The following ARMH4 variants were observed in gnomAD, a reference collection of about 807,000 sequenced individuals.
ARMH4 encodes the protein armadillo like helical domain containing 4, also known as armadillo-like helical domain-containing protein 4.
In ARMH4, 49 loss-of-function variants were observed where a neutral mutation model predicts 61.9. The ratio of observed to expected loss-of-function variants is 0.79; its 90% CI spans 0.63 to 1.00. ARMH4 has a LOEUF of 1.00. ARMH4 is among the 50% of genes least tolerant of loss of function. The pLI is 0.00. For missense variants in ARMH4, 934 were observed against 930.0 expected, an observed-to-expected ratio of 1.00 and a Z score of -0.06; for synonymous variants, 368 against 341.5, an observed-to-expected ratio of 1.08 and a Z score of -0.85.
rs1043937036 is a variant in ARMH4 at position 58,011,617 on chromosome 14, A to C, written c.2121+502T>G. ...AATGAACAATATCAACCTGGAAGTT[A>C]ACGTTGTCAATCACTATGTAGATGG... On this transcript the variant is annotated intron_variant, in intron 6 of 7. Transcript: ENST00000267485. Among the ~76,000 whole-genome samples the C allele has an allele frequency of 2.6e-5, 4 of 152,294 alleles. 1 individual carries two copies. The highest frequency in any genetic ancestry group is 6.8e-3 in the Middle Eastern group (2 of 294).
chr14:58,017,552 T>C (rs1023602440), intron 5 of ARMH4, among the ~76,000 whole-genome samples: 1 of 151,636 alleles, frequency 6.6e-6, no homozygotes. Context: ...ACAAAAAAAA[T>C]ACTCAGGCAT....
intron 1 of ARMH4, among the ~76,000 whole-genome samples, chr14:58,145,795 G>A (rs1174653358): frequency 6.6e-6 from 1 of 152,148 alleles, no homozygotes; most frequent in African/African-American, 2.4e-5. Flanking sequence ...TGTGTATTGA[G>A]GCCATATGTT....
chr14:58,085,879 A>G (rs1419784481), intron 5 of ARMH4, among the ~76,000 whole-genome samples: 2 of 152,222 alleles, frequency 1.3e-5, no homozygotes, highest in Non-Finnish European at 2.9e-5. Flanking sequence ...AGAAACAAAA[A>G]GAAAATATTT....
In ARMH4 at chr14:58,075,813, C is replaced by T. The variant is rs374027749; in HGVS notation, c.2089+20911G>A. Among the ~76,000 whole-genome samples the T allele has an allele frequency of 4.6e-5, 7 of 152,210 alleles. No homozygotes were observed. The East Asian group carries it at 9.7e-4, about 21-fold the overall frequency. ...GCATCTTCACAATCAAATAAACATGCGTTCAAATCTTGGCTCTGCCATTTA... is the reference window on the plus strand; with the variant it reads ...GCATCTTCACAATCAAATAAACATGTGTTCAAATCTTGGCTCTGCCATTTA... On this transcript the variant is annotated intron_variant, in intron 5 of 7. Transcript: ENST00000267485.
intron 4 of ARMH4, among the ~76,000 whole-genome samples, chr14:58,097,547 A>G (rs1885795446): frequency 6.6e-6 from 1 of 152,230 alleles, no homozygotes; most frequent in Admixed American, 6.5e-5. Context: ...AAATAATTGC[A>G]TCAACATTCT....
rs149864826 is a variant in ARMH4 at position 58,131,598 on chromosome 14, G to A, written c.1745C>T (p.Ala582Val). Residue 582 changes from alanine (A) to valine (V), a missense_variant, in exon 4 of 8, where the codon GCA becomes GTA. By Grantham distance (64) the Ala-to-Val change is moderately conservative. Transcript: ENST00000267485. Reference protein sequence around the residue: ...SISPALPALEASSERRTVVPS... With the variant: ...SISPALPALEVSSERRTVVPS... ...AACAACAGTTCTTCTCTCAGAGGAT[G>A]CCTCCAAAGCAGGAAGTGCAGGGGA... 3 of 1,614,058 alleles carry A rather than the reference G, an allele frequency of 1.9e-6. No homozygotes were observed. The highest frequency in any genetic ancestry group is 1.3e-5 in the African/African-American group (1 of 74,938).
intron 5 of ARMH4, among the ~76,000 whole-genome samples, chr14:58,012,588 C>A (rs1021382040): frequency 6.6e-6 from 1 of 152,174 alleles, no homozygotes; most frequent in Non-Finnish European, 1.5e-5. Context: ...GGAAAATAAG[C>A]AAGCCCAGGT....
In ARMH4 at chr14:58,121,035, C is replaced by T. The variant is rs1050458052; in HGVS notation, c.1831+10477G>A. 9.2e-5 allele frequency among the ~76,000 whole-genome samples: 14 copies of T among 152,118 alleles called. 1 individual carries two copies. Among genetic ancestry groups the T allele is most frequent in the African/African-American group, 2.9e-4 (12 of 41,420 alleles). Reference sequence around the variant, plus strand: ...GATTTGTAGGGCATGGCTCTCCAGACCCCTTAGATAGGAATTTGGTCAAGA... The same window carrying T: ...GATTTGTAGGGCATGGCTCTCCAGATCCCTTAGATAGGAATTTGGTCAAGA... On this transcript the variant is annotated intron_variant, in intron 4 of 7. Transcript: ENST00000267485.
At chr14:58,050,879 TAG>T (rs1884115236) in intron 5 of ARMH4, among the ~76,000 whole-genome samples, 1 of 152,132 alleles carries the variant, frequency 6.6e-6, no homozygotes, top group African/African-American at 2.4e-5. Context: ...GTTTGCCAGA[TAG>T]AGTGTCTGGC....
chr14:58,092,397 C>G (rs1885598573), intron 5 of ARMH4, among the ~76,000 whole-genome samples: 1 of 152,206 alleles, frequency 6.6e-6, no homozygotes, highest in African/African-American at 2.4e-5. Flanking sequence ...CCATGAGGCT[C>G]TGCTTTCAAA....
chr14:58,107,549 A>G lies in ARMH4; in HGVS notation c.1832-10568T>C, dbSNP rs531384761. 3.3e-5 allele frequency among the ~76,000 whole-genome samples: 5 copies of G among 152,232 alleles called. No individual in the cohort carries two copies. The East Asian group carries it at 9.6e-4, about 29-fold the overall frequency. On this transcript the variant is annotated intron_variant, in intron 4 of 7. Transcript: ENST00000267485. ...GGGAGGCCAAGGCAAGTGAATCATGAGGTCAGGAGATCGAGACCATCCTGG... is the reference window on the plus strand; with the variant it reads ...GGGAGGCCAAGGCAAGTGAATCATGGGGTCAGGAGATCGAGACCATCCTGG...
chr14:58,137,342 T>A (rs1887336774), intron 2 of ARMH4, among the ~76,000 whole-genome samples: 1 of 152,156 alleles, frequency 6.6e-6, no homozygotes, highest in Non-Finnish European at 1.5e-5. Flanking sequence ...AATAAAACTA[T>A]CCCCAGTTAA....
At chr14:58,035,101 AT>A (rs1433770879) in intron 5 of ARMH4, among the ~76,000 whole-genome samples, 1 of 148,036 alleles carries the variant, frequency 6.8e-6, no homozygotes, top group African/African-American at 2.5e-5. Flanking sequence ...CAGAATATAC[AT>A]TTTTTTCAGC....
intron 5 of ARMH4, among the ~76,000 whole-genome samples, chr14:58,014,028 A>AAAAG (rs34882144): frequency 0.59 from 89,325 of 150,182 alleles, 26,711 homozygotes; most frequent in East Asian, 0.66. Flanking sequence ...CATCTCAAAA[A>AAAAG]AAAGAAAGAA....
At chr14:58,013,407 CATTCG>C in intron 5 of ARMH4, among the ~76,000 whole-genome samples, 1 of 104,926 alleles carries the variant, frequency 9.5e-6, no homozygotes, top group Admixed American at 1.2e-4. Flanking sequence ...ATGTAAAAAG[CATTCG>C]CATTCTTTGC....
intron 5 of ARMH4, among the ~76,000 whole-genome samples, chr14:58,086,277 T>C (rs7157706): frequency 1.3e-5 from 2 of 152,032 alleles, no homozygotes; most frequent in Non-Finnish European, 2.9e-5. Context: ...ATTCCAAAAA[T>C]AAAAAATAAA....
chr14:58,040,661 T>C (rs1883662227), intron 5 of ARMH4, among the ~76,000 whole-genome samples: 1 of 152,190 alleles, frequency 6.6e-6, no homozygotes. Flanking sequence ...ATGATATACA[T>C]TCCTTTGGGT....
intron 1 of ARMH4, among the ~76,000 whole-genome samples, chr14:58,140,190 G>A (rs572437658): frequency 5.3e-5 from 8 of 149,976 alleles, no homozygotes; most frequent in Non-Finnish European, 1.0e-4. Context: ...CGAGAGAATC[G>A]CTTGAACCCG....
intron 5 of ARMH4, among the ~76,000 whole-genome samples, chr14:58,040,275 G>C (rs1310350193): frequency 2.0e-5 from 3 of 152,026 alleles, no homozygotes; most frequent in Non-Finnish European, 1.5e-5. Flanking sequence ...ATTAAACTTA[G>C]TACCCAGTCG....
Sources: allele counts gnomAD v4.1 joint callset (sites outside exome capture counted in the v4.1 genomes callset), GRCh38; gene constraint gnomAD v4.1.1; transcripts MANE v1.5; gene names NCBI Gene and HGNC (gene_info 2026-07-23, HGNC 2026-07-21).